CPEB2: variants seen among roughly 807,000 people sequenced by gnomAD.
CPEB2 encodes the protein cytoplasmic polyadenylation element-binding protein 2.
A neutral mutation model predicts 93.6 loss-of-function variants in CPEB2; 56 were observed. The ratio of observed to expected loss-of-function variants is 0.60; its 90% confidence interval spans 0.48 to 0.75. The LOEUF is 0.75. Among genes scored for constraint, CPEB2 ranks in the 30% least tolerant of loss-of-function variants. The pLI is 0.00. For synonymous variants in CPEB2, 764 were observed against 586.3 expected (o/e 1.30, Z -4.38); for missense variants, 1,579 against 1,395.1 (o/e 1.13, Z -2.10).
rs1729722141 is a variant in CPEB2 at position 15,066,611 on chromosome 4, G to A, written c.*231G>A. ...TGATATTTTCATGTTCAAATAAAAT[G>A]TTTTTTTGTATTTTCTCCAAGTTAT... On this transcript the variant is annotated 3_prime_UTR_variant, in exon 12 of 12. Transcript: ENST00000538197. The A allele has an allele frequency of 2.0e-6, 1 of 500,576 alleles. No individual in the cohort carries two copies. The highest frequency in any genetic ancestry group is 3.5e-6 in the Non-Finnish European group (1 of 282,966). 31.0% of individuals were successfully genotyped at this position (500,576 alleles called of 1,614,324 possible). A position where few individuals can be genotyped will look rare whatever the true frequency, so the allele number is the denominator to read the frequency against.
chr4:15,018,939 TA>T (rs1724494665), intron 4 of CPEB2, among the ~76,000 whole-genome samples: 1 of 14,838 alleles, frequency 6.7e-5, no homozygotes. Context: ...GGGAATTTTA[TA>T]TATATATATA....
In CPEB2 at chr4:15,067,427, G is replaced by A. The variant is rs1044688197; in HGVS notation, c.*1047G>A. The A allele has an allele frequency of 1.3e-5, 2 of 152,294 alleles. No homozygotes were observed. Among genetic ancestry groups the A allele is most frequent in the African/African-American group, 2.4e-5 (1 of 41,356 alleles). 9.4% of individuals were successfully genotyped at this position (152,294 alleles called of 1,614,324 possible). A position where few individuals can be genotyped will look rare whatever the true frequency, so the allele number is the denominator to read the frequency against. On this transcript the variant is annotated 3_prime_UTR_variant, in exon 12 of 12. Coordinates refer to ENST00000538197, the MANE Select transcript of CPEB2 (RefSeq NM_001177382.2). ...ATCCCTGTGCAATTTTGTGACGTGC[G>A]GTTCTAATTCATGTGCAGTGATATA...
In CPEB2 at chr4:15,062,127, C is replaced by T; in HGVS notation, c.2744C>T (p.Ala915Val). 5 of 1,611,812 alleles carry T rather than the reference C, an allele frequency of 3.1e-6. No individual in the cohort carries two copies. The highest frequency in any genetic ancestry group is 4.2e-6 in the Non-Finnish European group (5 of 1,178,524). The change falls in exon 11 of 12, where the codon GCA (alanine) becomes GTA (valine). Residue 915 changes from alanine to valine, a missense_variant. Coordinates refer to ENST00000538197, the MANE Select transcript of CPEB2 (RefSeq NM_001177382.2). ...CGGCTGTATGGTGGAGTTTGTTATG[C>T]AGGAATTGATACAGATCCTGAGCTA... ...MDRLYGGVCY[A>V]GIDTDPELKY...
intron 6 of CPEB2, among the ~76,000 whole-genome samples, chr4:15,051,000 T>G (rs557979705): frequency 5.9e-5 from 9 of 152,364 alleles, no homozygotes; most frequent in African/African-American, 2.2e-4. Context: ...AAGCTTAAAT[T>G]ATTTTCCTTT....
chr4:15,022,979 C>T (rs1724975279), intron 4 of CPEB2, among the ~76,000 whole-genome samples: 1 of 151,852 alleles, frequency 6.6e-6, no homozygotes, highest in South Asian at 2.1e-4. Context: ...TTAAAACATA[C>T]TTGAGTTTTA....
rs976887423 is a variant in CPEB2, at chr4:15,003,165, G to A, written c.492G>A (p.Gln164=). The A allele has an allele frequency of 2.0e-6, 3 of 1,534,348 alleles. No homozygotes were observed. Among genetic ancestry groups the A allele is most frequent in the African/African-American group, 1.4e-5 (1 of 72,860 alleles). The change falls in exon 1 of 12, where the codon CAG becomes CAA. Residue 164 remains glutamine, a synonymous_variant. Transcript: ENST00000538197. ...GCTGCTGCCGCACCTCCTCCCCGCA[G>A]GACTTCAGTAAGCGGCAGCAGCAGC... ...SCCCCRTSSP[Q]DFSKRQQQQL...
rs546891591 is a variant in CPEB2, at chr4:15,026,701, C to G, written c.2126-6460C>G. Among the ~76,000 whole-genome samples, 6 of 152,276 alleles carry G rather than the reference C, an allele frequency of 3.9e-5. No homozygotes were observed. In the South Asian group the frequency reaches 1.2e-3, roughly 32 times the overall value. ...ATTAAGCATTTTCTCATAATTCATA[C>G]TCTTCAAAATATTGATTTAGAACTT... On this transcript the variant is annotated intron_variant, in intron 4 of 11. Transcript: ENST00000538197.
chr4:15,026,113 C>T (rs1477205838), intron 4 of CPEB2, among the ~76,000 whole-genome samples: 2 of 152,124 alleles, frequency 1.3e-5, no homozygotes, highest in Non-Finnish European at 2.9e-5. Flanking sequence ...ATCATAAAGA[C>T]TCTTTGGCAC....
chr4:15,062,251 T>C lies in CPEB2; in HGVS notation c.2868T>C (p.Ile956=). ...TTGTTCAGCTTCAGCATGGTGATAT[T>C]GATAAACGTGTAAGTTGCATATTGG... ...ARFVQLQHGD[I]DKRVEVKPYV... Residue 956 remains isoleucine, a synonymous_variant, in exon 11 of 12, where the codon ATT becomes ATC. Transcript: ENST00000538197. The C allele has an allele frequency of 6.2e-7, 1 of 1,608,162 alleles. No homozygotes were observed. The highest frequency in any genetic ancestry group is 1.1e-5 in the South Asian group (1 of 90,586).
At chr4:15,012,860 A>G (rs1276387734) in intron 3 of CPEB2, among the ~76,000 whole-genome samples, 1 of 152,094 alleles carries the variant, frequency 6.6e-6, no homozygotes, top group Non-Finnish European at 1.5e-5. Flanking sequence ...TCTTTGGAAG[A>G]GTACCTCATT....
intron 6 of CPEB2, among the ~76,000 whole-genome samples, chr4:15,041,464 G>A (rs980223142): frequency 3.3e-5 from 5 of 151,410 alleles, no homozygotes; most frequent in Admixed American, 6.6e-5. Context: ...GTGCAGTGGC[G>A]CGATCTCGGC....
At position 15,007,481 on chromosome 4, in the gene CPEB2, A is replaced by G. The variant is rs1454978679; in HGVS notation, c.1839A>G (p.Ala613=). Residue 613 remains alanine (A), a synonymous_variant, in exon 2 of 12, where the codon GCA becomes GCG. Transcript: ENST00000538197. ...AACCGTTTTCTGGTAATGTCATAGC[A>G]CCACCGAAATTTACTCGCTCAACTC... ...LKKPFSGNVI[A]PPKFTRSTPS... 6.2e-7 allele frequency: 1 copy of G among 1,614,068 alleles called. No individual in the cohort carries two copies. Among genetic ancestry groups the G allele is most frequent in the Non-Finnish European group, 8.5e-7 (1 of 1,180,020 alleles).
Position 15,014,138 on chromosome 4 carries a change from T to C in CPEB2, c.2035-3050T>C, listed in dbSNP as rs548795850. Among the ~76,000 whole-genome samples the C allele has an allele frequency of 2.6e-5, 4 of 152,146 alleles. No individual in the cohort carries two copies. The East Asian group carries it at 5.8e-4, about 22-fold the overall frequency. ...CTTGCAATGAAGGTAGAGGGTACTT[T>C]CCCCTACACCTCCAGAAAAAGGAAG... On this transcript the variant is annotated intron_variant, in intron 3 of 11. Coordinates refer to ENST00000538197, the MANE Select transcript of CPEB2 (RefSeq NM_001177382.2).
chr4:15,017,868 T>C (rs528063884), intron 4 of CPEB2: 1 of 152,006 alleles, frequency 6.6e-6, no homozygotes, highest in South Asian at 2.1e-4. Flanking sequence ...TACTTGTTTT[T>C]GTCTGTACAT....
intron 3 of CPEB2, among the ~76,000 whole-genome samples, chr4:15,015,978 G>A (rs1724090359): frequency 6.6e-6 from 1 of 151,946 alleles, no homozygotes; most frequent in African/African-American, 2.4e-5. Context: ...TGAAATCGTG[G>A]AAGGCAAAAT....
At chr4:15,065,416 G>T (rs1216898918) in intron 11 of CPEB2, among the ~76,000 whole-genome samples, 1 of 152,080 alleles carries the variant, frequency 6.6e-6, no homozygotes, top group Admixed American at 6.6e-5. Flanking sequence ...AAGCAGGAAA[G>T]CAAGGCTATT....
chr4:15,024,887 A>G (rs1322938821), intron 4 of CPEB2, among the ~76,000 whole-genome samples: 1 of 151,778 alleles, frequency 6.6e-6, no homozygotes, highest in Non-Finnish European at 1.5e-5. Flanking sequence ...CTGGGATTAC[A>G]GGTGTCCACC....
intron 6 of CPEB2, among the ~76,000 whole-genome samples, chr4:15,048,508 G>A (rs1483908143): frequency 6.6e-6 from 1 of 151,932 alleles, no homozygotes; most frequent in Non-Finnish European, 1.5e-5. Context: ...CCATAAAGTG[G>A]CTAATAACAT....
chr4:15,015,445 C>G (rs552993090), intron 3 of CPEB2, among the ~76,000 whole-genome samples: 1 of 151,936 alleles, frequency 6.6e-6, no homozygotes, highest in Non-Finnish European at 1.5e-5. Flanking sequence ...GCATTCCTTC[C>G]GTCATTCAGT....
Sources: allele counts gnomAD v4.1 joint callset (sites outside exome capture counted in the v4.1 genomes callset), GRCh38; gene constraint gnomAD v4.1.1; transcripts MANE v1.5; gene names NCBI Gene and HGNC (gene_info 2026-07-23, HGNC 2026-07-21).